DLC1: variants seen among roughly 807,000 people sequenced by gnomAD.
DLC1 encodes the protein DLC1 Rho GTPase activating protein.
In DLC1, 54 loss-of-function variants were observed where a neutral mutation model predicts 140.3. The ratio of observed to expected loss-of-function variants is 0.38; its 90% CI spans 0.31 to 0.48. DLC1 has a LOEUF of 0.48. Among genes scored for constraint, DLC1 ranks in the 20% least tolerant of loss-of-function variants. The pLI, the probability that DLC1 is intolerant of heterozygous loss-of-function variation, is 0.96. For synonymous variants in DLC1, 986 were observed against 728.1 expected (o/e 1.35, Z -5.70); for missense variants, 2,536 against 1,907.0 (o/e 1.33, Z -6.14).
chr8:13,275,119 T>C (rs1831107397), intron 5 of DLC1, among the ~76,000 whole-genome samples: 2 of 152,350 alleles, frequency 1.3e-5, no homozygotes, highest in South Asian at 4.1e-4. Flanking sequence ...GTTTACTTTC[T>C]CCGTCAGTCC....
chr8:13,155,378 A>G (rs1010764680), intron 5 of DLC1, among the ~76,000 whole-genome samples: 15 of 151,530 alleles, frequency 9.9e-5, no homozygotes, highest in African/African-American at 3.6e-4. Flanking sequence ...AATAAAAGAT[A>G]TGGTTGGACA....
At chr8:13,350,290 C>G (rs1586184109) in intron 4 of DLC1, among the ~76,000 whole-genome samples, 1 of 151,766 alleles carries the variant, frequency 6.6e-6, no homozygotes, top group East Asian at 1.9e-4. Flanking sequence ...TCCATAACAC[C>G]TCAGGTTTAT....
At chr8:13,604,017 T>C (rs1398641990) in intron 1 of DLC1, among the ~76,000 whole-genome samples, 10 of 152,024 alleles carry the variant, frequency 6.6e-5, no homozygotes, top group Admixed American at 6.6e-4. Flanking sequence ...ATAAGAAAAA[T>C]ATAAAAATAT....
intron 1 of DLC1, among the ~76,000 whole-genome samples, chr8:13,586,806 A>T (rs1805334744): frequency 6.6e-6 from 1 of 152,072 alleles, no homozygotes; most frequent in African/African-American, 2.4e-5. Flanking sequence ...ATGAAGTTTG[A>T]AGTGCCTATA....
At chr8:13,217,786 C>T (rs972827847) in intron 5 of DLC1, among the ~76,000 whole-genome samples, 4 of 151,348 alleles carry the variant, frequency 2.6e-5, no homozygotes, top group African/African-American at 7.3e-5. Flanking sequence ...TGCGGTGAGC[C>T]GAGATCACGC....
chr8:13,589,307 A>G (rs1805436157), intron 1 of DLC1, among the ~76,000 whole-genome samples: 1 of 152,106 alleles, frequency 6.6e-6, no homozygotes, highest in Admixed American at 6.6e-5. Context: ...AACAAAAAAC[A>G]AAATAAAGTC....
At chr8:13,574,364 G>A (rs553231827) in intron 1 of DLC1, among the ~76,000 whole-genome samples, 31 of 152,160 alleles carry the variant, frequency 2.0e-4, no homozygotes, top group African/African-American at 7.0e-4. Flanking sequence ...ATTTTGAAAT[G>A]GGATAAAAAT....
intron 5 of DLC1, among the ~76,000 whole-genome samples, chr8:13,281,962 G>T (rs1247274741): frequency 6.6e-6 from 1 of 152,148 alleles, no homozygotes. Context: ...TCTTGGGACA[G>T]CATTTTGTTT....
intron 4 of DLC1, among the ~76,000 whole-genome samples, chr8:13,367,945 A>G (rs1835563827): frequency 6.6e-6 from 1 of 152,182 alleles, no homozygotes; most frequent in Admixed American, 6.5e-5. Context: ...ACTCTCTTCA[A>G]ATCCCAATTA....
chr8:13,462,625 CT>C (rs1799724498), intron 2 of DLC1, among the ~76,000 whole-genome samples: 1 of 152,094 alleles, frequency 6.6e-6, no homozygotes, highest in South Asian at 2.1e-4. Context: ...CCAGGATGGT[CT>C]CGATCTCCTG....
intron 2 of DLC1, among the ~76,000 whole-genome samples, chr8:13,408,892 T>G (rs1157411000): frequency 6.6e-6 from 1 of 152,214 alleles, no homozygotes; most frequent in East Asian, 1.9e-4. Flanking sequence ...GAAAAATATC[T>G]ATTTAACACT....
chr8:13,601,409 A>C (rs972557682), intron 1 of DLC1, among the ~76,000 whole-genome samples: 14 of 151,802 alleles, frequency 9.2e-5, no homozygotes, highest in Non-Finnish European at 1.8e-4. Flanking sequence ...CTTCTAAAGA[A>C]ATGCCAGTGT....
rs778770467 is a variant in DLC1, at chr8:13,086,285, C to T, written c.4466+5G>A. On this transcript the variant is annotated splice_donor_5th_base_variant and intron_variant, in intron 17 of 17. Coordinates refer to ENST00000276297, the MANE Select transcript of DLC1 (RefSeq NM_182643.3). The stretch of plus-strand genomic sequence containing the variant: ...CCATATAAAAAAATCAGAATCAGAA[C>T]ATACCTTAAGTCAACTCTGCACATG... The T allele has an allele frequency of 1.9e-6, 3 of 1,612,984 alleles. No individual in the cohort carries two copies. The highest frequency in any genetic ancestry group is 1.1e-5 in the South Asian group (1 of 90,932).
intron 5 of DLC1, among the ~76,000 whole-genome samples, chr8:13,147,189 A>C (rs1181954546): frequency 6.6e-6 from 1 of 152,196 alleles, no homozygotes; most frequent in Non-Finnish European, 1.5e-5. Flanking sequence ...CTTAGAACCT[A>C]GTTTCTAAGT....
intron 5 of DLC1, among the ~76,000 whole-genome samples, chr8:13,152,824 G>GAAAAAAAAAAAAAA (rs773483544): frequency 7.7e-5 from 7 of 91,300 alleles, no homozygotes; most frequent in African/African-American, 1.3e-4. Flanking sequence ...CTCTGGGGAA[G>GAAAAAAAAAAAAAA]AAAAAAAAAA....
At chr8:13,583,267 G>A (rs575745174) in intron 1 of DLC1, among the ~76,000 whole-genome samples, 1 of 152,272 alleles carries the variant, frequency 6.6e-6, no homozygotes, top group East Asian at 1.9e-4. Flanking sequence ...CTGTGCAGCT[G>A]TTTATCAACT....
intron 2 of DLC1, among the ~76,000 whole-genome samples, chr8:13,464,298 T>G (rs1481689): frequency 0.89 from 135,957 of 152,140 alleles, 62,585 homozygotes; most frequent in Non-Finnish European, 1. Flanking sequence ...TTTCACTGAC[T>G]GAATGCATTC....
chr8:13,161,170 C>A (rs1417519886), intron 5 of DLC1, among the ~76,000 whole-genome samples: 1 of 152,196 alleles, frequency 6.6e-6, no homozygotes, highest in African/African-American at 2.4e-5. Flanking sequence ...CTTTCCTCAC[C>A]CAAAATATAC....
At chr8:13,550,270 C>G (rs1309036782) in intron 1 of DLC1, among the ~76,000 whole-genome samples, 1 of 152,038 alleles carries the variant, frequency 6.6e-6, no homozygotes, top group African/African-American at 2.4e-5. Context: ...TTTCTCTGCT[C>G]ACACTGTGCT....
Sources: allele counts gnomAD v4.1 joint callset (sites outside exome capture counted in the v4.1 genomes callset), GRCh38; gene constraint gnomAD v4.1.1; transcripts MANE v1.5; gene names NCBI Gene and HGNC (gene_info 2026-07-23, HGNC 2026-07-21).